Variants in RREB1 observed in about 807,000 individuals in gnomAD.
RREB1 encodes the protein ras-responsive element-binding protein 1.
Under a neutral mutation model 117.8 loss-of-function variants are expected in RREB1, and 27 were observed. The ratio of observed to expected loss-of-function variants is 0.23; its 90% CI spans 0.17 to 0.32. RREB1 has a LOEUF of 0.32. RREB1 is among the 10% of genes least tolerant of loss of function. The probability of loss-of-function intolerance (pLI) is 1.00; values close to 1 mark genes in which losing one functional copy is unlikely to be tolerated. For synonymous variants in RREB1, 1,298 were observed against 1,026.7 expected (o/e 1.26, Z -5.05); for missense variants, 2,577 against 2,378.2 (o/e 1.08, Z -1.74).
At chr6:7,156,220 G>A (rs565054160) in intron 1 of RREB1, among the ~76,000 whole-genome samples, 87 of 152,216 alleles carry the variant, frequency 5.7e-4, no homozygotes, top group Non-Finnish European at 1.1e-3. Context: ...GAAATTATTT[G>A]CATAAGTTGT....
intron 1 of RREB1, among the ~76,000 whole-genome samples, chr6:7,172,007 G>A (rs1764235987): frequency 6.6e-6 from 1 of 151,072 alleles, no homozygotes; most frequent in South Asian, 2.1e-4. Flanking sequence ...GTACAGTGAC[G>A]TCATGCTAGC....
In RREB1 at chr6:7,251,409, T is replaced by C. The variant is rs945060877; in HGVS notation, c.*2441T>C. The C allele has an allele frequency of 2.6e-5, 4 of 152,052 alleles. No homozygotes were observed. The highest frequency in any genetic ancestry group is 9.7e-5 in the African/African-American group (4 of 41,390). 9.4% of individuals were successfully genotyped at this position (152,052 alleles called of 1,614,324 possible). ...TCTATACATTTTGTTTGATTCTCTTTCTCCTTCTCTCAGGGCTTTTACAAA... is the reference window on the plus strand; with the variant it reads ...TCTATACATTTTGTTTGATTCTCTTCCTCCTTCTCTCAGGGCTTTTACAAA... On this transcript the variant is annotated 3_prime_UTR_variant, in exon 13 of 13. Transcript: ENST00000379938.
Position 7,226,670 on chromosome 6 carries a change from C to T in RREB1, c.897+14C>T. ...CGCATTTCTCAGGTATTCTGATCAG[C>T]CCATGGAAGCAACCAGCAACTGCCT... On this transcript the variant is annotated intron_variant, in intron 9 of 12. Transcript: ENST00000379938. The T allele has an allele frequency of 6.2e-7, 1 of 1,604,672 alleles. No homozygotes were observed. Among genetic ancestry groups the T allele is most frequent in the Non-Finnish European group, 8.5e-7 (1 of 1,173,416 alleles).
intron 1 of RREB1, among the ~76,000 whole-genome samples, chr6:7,150,257 A>G (rs1305833124): frequency 6.6e-6 from 1 of 152,172 alleles, no homozygotes; most frequent in East Asian, 1.9e-4. Context: ...AGGTTTTAAT[A>G]ATCAGATTAA....
At chr6:7,172,882 T>C (rs746283928) in intron 1 of RREB1, among the ~76,000 whole-genome samples, 1 of 152,232 alleles carries the variant, frequency 6.6e-6, no homozygotes, top group Admixed American at 6.5e-5. Context: ...GGCATGGCCC[T>C]CGTGGAACAT....
At chr6:7,192,986 T>C (rs549612247) in intron 6 of RREB1, among the ~76,000 whole-genome samples, 5 of 152,316 alleles carry the variant, frequency 3.3e-5, no homozygotes, top group Non-Finnish European at 7.4e-5. Context: ...TTGTGTTTTC[T>C]TTTTCATTCA....
At chr6:7,130,383 G>C (rs1762101502) in intron 1 of RREB1, among the ~76,000 whole-genome samples, 1 of 152,108 alleles carries the variant, frequency 6.6e-6, no homozygotes, top group Non-Finnish European at 1.5e-5. Context: ...CGCTCTGGAC[G>C]TCACCCTGGG....
In RREB1 at chr6:7,240,554, C is replaced by T. The variant is rs1307666682; in HGVS notation, c.3925C>T (p.Leu1309Phe). ...VTTCSLRRNG[L>F]IPQSKESDVG... ...CACCTGTTCCCTGAGAAGAAACGGG[C>T]TTATCCCCCAGTCAAAAGAGAGTGA... The change falls in exon 11 of 13, where the codon CTT becomes TTT. Residue 1309 changes from leucine to phenylalanine, a missense_variant. By Grantham distance (22) the Leu-to-Phe change is conservative. Transcript: ENST00000379938. 6.2e-7 allele frequency: 1 copy of T among 1,613,934 alleles called. No homozygotes were observed. Among genetic ancestry groups the T allele is most frequent in the Non-Finnish European group, 8.5e-7 (1 of 1,179,912 alleles).
intron 1 of RREB1, among the ~76,000 whole-genome samples, chr6:7,163,409 T>G (rs1343269449): frequency 6.6e-6 from 1 of 152,180 alleles, no homozygotes; most frequent in African/African-American, 2.4e-5. Context: ...ATTTATTTAT[T>G]GAGAAAGAGT....
intron 1 of RREB1, among the ~76,000 whole-genome samples, chr6:7,133,065 A>G (rs554866129): frequency 1.3e-5 from 2 of 152,372 alleles, no homozygotes; most frequent in East Asian, 1.9e-4. Flanking sequence ...ATGACTGGCA[A>G]GATTTGATTA....
intron 6 of RREB1, among the ~76,000 whole-genome samples, chr6:7,206,354 A>G (rs1766271101): frequency 6.6e-6 from 1 of 152,242 alleles, no homozygotes; most frequent in African/African-American, 2.4e-5. Flanking sequence ...AAGGCAAGTT[A>G]TAAGATGTCC....
In RREB1 at chr6:7,246,877, A is replaced by T; in HGVS notation, c.4427A>T (p.Lys1476Met). 1 of 1,552,602 alleles carries T rather than the reference A, an allele frequency of 6.4e-7. No homozygotes were observed. Among genetic ancestry groups the T allele is most frequent in the Non-Finnish European group, 8.7e-7 (1 of 1,148,372 alleles). ...AAGGCGCACGGCCGCCAGGAGCCCAAGGACGAGAAGGGAGATGGCGCCAGC... is the reference window on the plus strand; with the variant it reads ...AAGGCGCACGGCCGCCAGGAGCCCATGGACGAGAAGGGAGATGGCGCCAGC... ...HRKAHGRQEP[K>M]DEKGDGASTA... The change falls in exon 12 of 13, where the codon AAG becomes ATG. Residue 1476 changes from lysine (K) to methionine (M), a missense_variant. By Grantham distance (95) the Lys-to-Met change is moderately conservative. Transcript: ENST00000379938.
chr6:7,117,256 C>T (rs1265502784), intron 1 of RREB1, among the ~76,000 whole-genome samples: 5 of 151,970 alleles, frequency 3.3e-5, no homozygotes, highest in African/African-American at 9.7e-5. Flanking sequence ...AAACATTTCT[C>T]TGAATATACA....
intron 6 of RREB1, among the ~76,000 whole-genome samples, chr6:7,189,525 G>A (rs770579637): frequency 6.6e-5 from 10 of 152,176 alleles, no homozygotes; most frequent in Non-Finnish European, 8.8e-5. Context: ...TGGCCCTTCA[G>A]AGTTCCTCAG....
At chr6:7,241,235 G>A (rs890769232) in intron 11 of RREB1, among the ~76,000 whole-genome samples, 4 of 152,086 alleles carry the variant, frequency 2.6e-5, no homozygotes, top group Admixed American at 6.5e-5. Context: ...AGCAATTAAC[G>A]GCTGCCCGAT....
chr6:7,150,564 T>A (rs1763071772), intron 1 of RREB1, among the ~76,000 whole-genome samples: 1 of 152,300 alleles, frequency 6.6e-6, no homozygotes, highest in South Asian at 2.1e-4. Flanking sequence ...TAGACATTGG[T>A]CATACTGTCA....
intron 10 of RREB1, among the ~76,000 whole-genome samples, chr6:7,232,972 G>A (rs894757196): frequency 1.9e-4 from 29 of 152,192 alleles, no homozygotes; most frequent in Non-Finnish European, 3.5e-4. Context: ...TCAGCTCACT[G>A]CAACCTCTGC....
chr6:7,249,969 A>C lies in RREB1; in HGVS notation c.*1001A>C, dbSNP rs1326559788. The C allele has an allele frequency of 6.6e-6, 1 of 152,498 alleles. No homozygotes were observed. Among genetic ancestry groups the C allele is most frequent in the Non-Finnish European group, 1.5e-5 (1 of 68,018 alleles). 9.4% of individuals were successfully genotyped at this position (152,498 alleles called of 1,614,324 possible). A position where few individuals can be genotyped will look rare whatever the true frequency, so the allele number is the denominator to read the frequency against. On this transcript the variant is annotated 3_prime_UTR_variant, in exon 13 of 13. Transcript: ENST00000379938. ...CCTCGGGTGGTAGCTCTTCTACTGT[A>C]ATGAGACAAGCCTTTCTTCTGTCAC...
At chr6:7,144,545 T>C (rs527400241) in intron 1 of RREB1, among the ~76,000 whole-genome samples, 1 of 152,196 alleles carries the variant, frequency 6.6e-6, no homozygotes, top group Non-Finnish European at 1.5e-5. Flanking sequence ...TTTTCTCACA[T>C]AGACATTCTT....
Sources: gnomAD v4.1 joint callset for allele counts (sites outside exome capture counted in the v4.1 genomes callset) on GRCh38, gnomAD v4.1.1 for gene constraint, MANE v1.5 for transcripts, NCBI Gene and HGNC (gene_info 2026-07-23, HGNC 2026-07-21) for gene names.